Variants in CLNK observed in about 807,000 individuals in gnomAD.
CLNK encodes cytokine-dependent hematopoietic cell linker.
A neutral mutation model predicts 68.6 loss-of-function variants in CLNK; 74 were observed. That is an observed-to-expected ratio of 1.08 (90% confidence interval 0.89 to 1.31). The LOEUF (loss-of-function observed/expected upper bound fraction) is 1.31. CLNK is among the 50% of genes most tolerant of loss of function. The probability of loss-of-function intolerance (pLI) is 0.00; values close to 1 mark genes in which losing one functional copy is unlikely to be tolerated. For missense variants in CLNK, 553 were observed against 515.3 expected (o/e 1.07, Z -0.71); for synonymous variants, 198 against 172.2 (o/e 1.15, Z -1.17).
chr4:10,555,988 T>A (rs1223407570), intron 8 of CLNK, among the ~76,000 whole-genome samples: 1 of 152,178 alleles, frequency 6.6e-6, no homozygotes, highest in Non-Finnish European at 1.5e-5. Flanking sequence ...ATTGGAGAAG[T>A]CTTCTATACA....
At chr4:10,708,099 T>C in the CLNK span, among the ~76,000 whole-genome samples, 123,266 of 152,022 alleles carry the variant, frequency 0.81, 50,240 homozygotes, top group Admixed American at 0.87. Flanking sequence ...AGATTCCCAA[T>C]GACAGGAGGA....
At chr4:10,652,143 G>C (rs987192294) in intron 2 of CLNK, among the ~76,000 whole-genome samples, 1 of 151,990 alleles carries the variant, frequency 6.6e-6, no homozygotes, top group South Asian at 2.1e-4. Context: ...CACTTTGGGA[G>C]GCCAAGGTGG....
intron 1 of CLNK, among the ~76,000 whole-genome samples, chr4:10,673,340 C>A (rs1724733425): frequency 1.3e-5 from 2 of 152,192 alleles, no homozygotes; most frequent in African/African-American, 4.8e-5. Context: ...CACCACAACT[C>A]CCCTCAGAAG....
upstream of CLNK, among the ~76,000 whole-genome samples, chr4:10,686,332 GT>G (rs1488640337): frequency 6.6e-6 from 1 of 152,104 alleles, no homozygotes; most frequent in Non-Finnish European, 1.5e-5. Context: ...TTCCAAGGTA[GT>G]GGGGGGTTAG....
intron 8 of CLNK, among the ~76,000 whole-genome samples, chr4:10,556,863 G>A (rs1376033133): frequency 1.3e-5 from 2 of 152,088 alleles, no homozygotes; most frequent in Admixed American, 6.6e-5. Context: ...AGATCACGAG[G>A]TCAGGAGTTC....
chr4:10,648,212 C>T (rs1019848143), intron 2 of CLNK, among the ~76,000 whole-genome samples: 2 of 152,158 alleles, frequency 1.3e-5, no homozygotes, highest in African/African-American at 2.4e-5. Flanking sequence ...TAAGACCTTT[C>T]CCATGTACTA....
intron 2 of CLNK, among the ~76,000 whole-genome samples, chr4:10,649,351 C>CTAA (rs1360594885): frequency 1.3e-5 from 2 of 152,100 alleles, no homozygotes; most frequent in Non-Finnish European, 2.9e-5. Context: ...AGTCCAAAAT[C>CTAA]TAAATGAAGG....
At chr4:10,513,158 A>T (rs1368658922) in intron 16 of CLNK, among the ~76,000 whole-genome samples, 1 of 152,182 alleles carries the variant, frequency 6.6e-6, no homozygotes, top group East Asian at 1.9e-4. Flanking sequence ...AGATTATTGG[A>T]CAGCTGGTAA....
At chr4:10,526,624 G>A (rs1296179867) in intron 13 of CLNK, among the ~76,000 whole-genome samples, 3 of 152,082 alleles carry the variant, frequency 2.0e-5, no homozygotes, top group South Asian at 4.2e-4. Context: ...GTATTCTCAC[G>A]CCCTCTTGTG....
At chr4:10,531,775 T>C in intron 12 of CLNK, 1 of 456,932 alleles carries the variant, frequency 2.2e-6, no homozygotes, top group Non-Finnish European at 4.4e-6. Flanking sequence ...AAACAGAAAC[T>C]GGGATGAGTA....
chr4:10,708,765 C>A, the CLNK span, among the ~76,000 whole-genome samples: 658 of 152,212 alleles, frequency 4.3e-3, 7 homozygotes, highest in African/African-American at 0.014. Flanking sequence ...ATTGTTTTTG[C>A]AAGACATTAG....
At chr4:10,504,374 G>C (rs1717197935) in intron 17 of CLNK, among the ~76,000 whole-genome samples, 1 of 151,876 alleles carries the variant, frequency 6.6e-6, no homozygotes, top group Admixed American at 6.6e-5. Context: ...CCCGCCTCGG[G>C]CTCCCAAAGT....
Position 10,537,637 on chromosome 4 carries a change from C to CCCTTTCTTTCTTTCTTTCTT in CLNK, c.602+2856_602+2857insAAGAAAGAAAGAAAGAAAGG, listed in dbSNP as rs1553848137. ...TCTCTCTCTCTTTCTTTCTTTCTTTCTCTTTCTTTCTTTCTTTCTTTCTTT... is the reference window on the plus strand; with the variant it reads ...TCTCTCTCTCTTTCTTTCTTTCTTTCCCTTTCTTTCTTTCTTTCTTTCTTTCTTTCTTTCTTTCTTTCTTT... On this transcript the variant is annotated intron_variant, in intron 11 of 18. Coordinates refer to ENST00000226951, the MANE Select transcript of CLNK (RefSeq NM_052964.4). 3.3e-4 allele frequency among the ~76,000 whole-genome samples: 25 copies of CCCTTTCTTTCTTTCTTTCTT among 76,242 alleles called. 1 individual carries two copies. The highest frequency in any genetic ancestry group is 5.3e-4 in the South Asian group (1 of 1,894). 50.0% of individuals were successfully genotyped at this position (76,242 alleles called of 152,430 possible). A position where few individuals can be genotyped will look rare whatever the true frequency, so the allele number is the denominator to read the frequency against.
the CLNK span, among the ~76,000 whole-genome samples, chr4:10,705,134 A>T: frequency 6.6e-6 from 1 of 152,214 alleles, no homozygotes. Flanking sequence ...CAACATTTGC[A>T]TATAAGCTTA....
In CLNK at chr4:10,594,287, C is replaced by G. The variant is rs561121994; in HGVS notation, c.83+3691G>C. On this transcript the variant is annotated intron_variant, in intron 3 of 18. Transcript: ENST00000226951. Reference sequence around the variant, plus strand: ...CATTTCTCCAATCTCCCCCCATCCTCTGCCTTCCATCTTCCTCCCTCCACC... The same window carrying G: ...CATTTCTCCAATCTCCCCCCATCCTGTGCCTTCCATCTTCCTCCCTCCACC... Among the ~76,000 whole-genome samples the G allele has an allele frequency of 2.6e-5, 4 of 152,366 alleles. No homozygotes were observed. In the East Asian group the frequency reaches 7.7e-4, roughly 29 times the overall value.
At chr4:10,586,810 C>T (rs1296693878) in intron 3 of CLNK, among the ~76,000 whole-genome samples, 1 of 152,176 alleles carries the variant, frequency 6.6e-6, no homozygotes, top group Admixed American at 6.5e-5. Flanking sequence ...TACCTTATAA[C>T]CAGTTTGCCT....
chr4:10,673,527 A>G (rs540666831), intron 1 of CLNK, among the ~76,000 whole-genome samples: 104 of 152,312 alleles, frequency 6.8e-4, no homozygotes, highest in African/African-American at 2.5e-3. Context: ...AGGGACATGG[A>G]TGAAGCTGGA....
At chr4:10,673,363 C>A (rs2108897701) in intron 1 of CLNK, among the ~76,000 whole-genome samples, 1 of 152,284 alleles carries the variant, frequency 6.6e-6, no homozygotes, top group East Asian at 1.9e-4. Context: ...ACCCCAACTC[C>A]CCTTCTCTTG....
chr4:10,600,002 C>T (rs892328629), intron 2 of CLNK, among the ~76,000 whole-genome samples: 2 of 152,190 alleles, frequency 1.3e-5, no homozygotes, highest in Non-Finnish European at 2.9e-5. Context: ...GTTCTCTATT[C>T]CTGCAAGATA....
Sources: allele counts gnomAD v4.1 joint callset (sites outside exome capture counted in the v4.1 genomes callset), GRCh38; gene constraint gnomAD v4.1.1; transcripts MANE v1.5; gene names NCBI Gene and HGNC (gene_info 2026-07-23, HGNC 2026-07-21).